Variants in VKORC1L1 observed in about 807,000 individuals in gnomAD.
VKORC1L1 encodes vitamin K epoxide reductase complex subunit 1-like protein 1.
A neutral mutation model predicts 18.9 loss-of-function variants in VKORC1L1; 2 were observed. That is an observed-to-expected ratio of 0.11 (90% CI 0.04 to 0.33). VKORC1L1 has a LOEUF of 0.33. Among genes scored for constraint, VKORC1L1 ranks in the 10% least tolerant of loss-of-function variants. The pLI is 1.00. For missense variants in VKORC1L1, 123 were observed against 224.1 expected (o/e 0.55, Z 2.88); for synonymous variants, 96 against 100.0 (o/e 0.96, Z 0.24).
intron 1 of VKORC1L1, among the ~76,000 whole-genome samples, chr7:65,906,688 A>G (rs1217862867): frequency 6.6e-6 from 1 of 152,224 alleles, no homozygotes; most frequent in Non-Finnish European, 1.5e-5. Context: ...GTTTAATGCT[A>G]GACATACATG....
chr7:65,876,750 A>T (rs1418330672), intron 1 of VKORC1L1, among the ~76,000 whole-genome samples: 1 of 152,112 alleles, frequency 6.6e-6, no homozygotes, highest in Non-Finnish European at 1.5e-5. Context: ...TAGGGCTTTT[A>T]ACACCTACTT....
chr7:65,902,364 T>C (rs1440979682), intron 1 of VKORC1L1, among the ~76,000 whole-genome samples: 2 of 152,080 alleles, frequency 1.3e-5, no homozygotes, highest in Non-Finnish European at 2.9e-5. Context: ...GGAAATAAAA[T>C]TTAAAATACA....
intron 1 of VKORC1L1, among the ~76,000 whole-genome samples, chr7:65,894,114 C>G (rs1309456472): frequency 6.6e-6 from 1 of 151,972 alleles, no homozygotes; most frequent in Non-Finnish European, 1.5e-5. Context: ...ACTAGCACGC[C>G]CGACTAATTT....
At chr7:65,885,363 A>T (rs34956105) in intron 1 of VKORC1L1, among the ~76,000 whole-genome samples, 4 of 151,732 alleles carry the variant, frequency 2.6e-5, no homozygotes, top group Non-Finnish European at 5.9e-5. Flanking sequence ...TTTGTTTATG[A>T]TGTCTTTACA....
intron 1 of VKORC1L1, among the ~76,000 whole-genome samples, chr7:65,908,836 CAAAAA>C (rs5884577): frequency 6.7e-5 from 7 of 104,950 alleles, no homozygotes; most frequent in Non-Finnish European, 1.2e-4. Flanking sequence ...GACTCCATCT[CAAAAA>C]AAAAAAAAAA....
Position 65,929,680 on chromosome 7 carries a change from G to GTATATATATA in VKORC1L1, c.195-18990_195-18989insATATATATAT, listed in dbSNP as rs150255530. ...TATGTGTGTGTGTGTATGTGTGTGT[G>GTATATATATA]TGTATATATATATATATATATATGG... On this transcript the variant is annotated intron_variant, in intron 1 of 2. Coordinates refer to ENST00000360768, the MANE Select transcript of VKORC1L1 (RefSeq NM_173517.6). Among the ~76,000 whole-genome samples the GTATATATATA allele has an allele frequency of 3.5e-3, 358 of 103,736 alleles. 2 individuals are homozygous for GTATATATATA. The highest frequency in any genetic ancestry group is 0.012 in the African/African-American group (285 of 24,384). 68.1% of individuals were successfully genotyped at this position (103,736 alleles called of 152,430 possible). A position where few individuals can be genotyped will look rare whatever the true frequency, so the allele number is the denominator to read the frequency against.
chr7:65,890,773 T>G (rs1383171440), intron 1 of VKORC1L1, among the ~76,000 whole-genome samples: 1 of 152,230 alleles, frequency 6.6e-6, no homozygotes, highest in Non-Finnish European at 1.5e-5. Context: ...TGTCAGTCTG[T>G]TAAATTATAT....
At position 65,873,154 on chromosome 7, in the gene VKORC1L1, C is replaced by A. The variant is rs1180679350; in HGVS notation, c.-218C>A. 2.2e-5 allele frequency: 10 copies of A among 464,612 alleles called. No individual in the cohort carries two copies. In the South Asian group the frequency reaches 2.5e-4, roughly 12 times the overall value. The allele number at this position is 464,612 out of a possible 1,614,324, so 28.8% of individuals were successfully genotyped here. ...CCGCGCCCGCGCGCGCCTTCCCCGC[C>A]CCGTCCGCCTCACTCCTTTTGGGGC... On this transcript the variant is annotated 5_prime_UTR_variant, in exon 1 of 3. Coordinates refer to ENST00000360768, the MANE Select transcript of VKORC1L1 (RefSeq NM_173517.6).
chr7:65,903,428 G>A (rs1789352222), intron 1 of VKORC1L1, among the ~76,000 whole-genome samples: 1 of 152,204 alleles, frequency 6.6e-6, no homozygotes, highest in African/African-American at 2.4e-5. Context: ...GCCTCCCAAA[G>A]TGCTGGGATT....
chr7:65,913,435 AG>A (rs1404302983), intron 1 of VKORC1L1, among the ~76,000 whole-genome samples: 4 of 152,008 alleles, frequency 2.6e-5, no homozygotes, highest in Non-Finnish European at 5.9e-5. Context: ...TGCCATTAGA[AG>A]GGAAAAAAGA....
chr7:65,943,923 G>T lies in VKORC1L1; in HGVS notation c.195-4748G>T, dbSNP rs185119459. On this transcript the variant is annotated intron_variant, in intron 1 of 2. Transcript: ENST00000360768. ...TAGTAACAAAAATTTAAACAACAAA[G>T]AAAAAGCAAATGATTTCCAAAATAT... is the stretch of plus-strand genomic sequence containing the variant. Among the ~76,000 whole-genome samples, 14 of 152,208 alleles carry T rather than the reference G, an allele frequency of 9.2e-5. No individual in the cohort carries two copies. In the East Asian group the frequency reaches 2.7e-3, roughly 29 times the overall value.
At chr7:65,896,390 A>G (rs921496227) in intron 1 of VKORC1L1, among the ~76,000 whole-genome samples, 1 of 152,036 alleles carries the variant, frequency 6.6e-6, no homozygotes, top group Non-Finnish European at 1.5e-5. Context: ...ATAAATACTC[A>G]TTTTCTGTTG....
intron 1 of VKORC1L1, among the ~76,000 whole-genome samples, chr7:65,887,519 TAG>T (rs1313186359): frequency 7.9e-5 from 12 of 151,754 alleles, no homozygotes; most frequent in Non-Finnish European, 1.6e-4. Flanking sequence ...TCAGTGATAC[TAG>T]ATAATAAACT....
chr7:65,879,642 T>TCTTTACCACC (rs1788891565), intron 1 of VKORC1L1, among the ~76,000 whole-genome samples: 2 of 141,006 alleles, frequency 1.4e-5, no homozygotes, highest in African/African-American at 5.5e-5. Flanking sequence ...TCTTTACCAC[T>TCTTTACCACC]ACTCTTTCGT....
rs6958966 is a variant in VKORC1L1, at chr7:65,959,141, G to A, written c.*4841G>A. On this transcript the variant is annotated 3_prime_UTR_variant, in exon 3 of 3. Coordinates refer to ENST00000360768, the MANE Select transcript of VKORC1L1 (RefSeq NM_173517.6). ...CAACATGGTGAAACCTGCCTCTACT[G>A]AAAAATACAGAAAAATTAGCCAGGA... 0.13 allele frequency: 19,276 copies of A among 151,944 alleles called. 1,386 individuals carry two copies. The highest frequency in any genetic ancestry group is 0.21 in the Middle Eastern group (62 of 294). 9.4% of individuals were successfully genotyped at this position (151,944 alleles called of 1,614,324 possible).
intron 1 of VKORC1L1, among the ~76,000 whole-genome samples, chr7:65,878,337 C>G (rs2116325062): frequency 6.6e-6 from 1 of 152,066 alleles, no homozygotes; most frequent in Non-Finnish European, 1.5e-5. Flanking sequence ...ATTCCAGCTA[C>G]TCGGGAGGCT....
At chr7:65,867,974 G>A in the VKORC1L1 span, among the ~76,000 whole-genome samples, 4 of 152,188 alleles carry the variant, frequency 2.6e-5, no homozygotes, top group African/African-American at 7.2e-5. Context: ...AGCCTCCCGA[G>A]TAGCTGGCAT....
At chr7:65,879,656 C>T (rs1788892366) in intron 1 of VKORC1L1, among the ~76,000 whole-genome samples, 2 of 151,718 alleles carry the variant, frequency 1.3e-5, no homozygotes, top group Admixed American at 1.3e-4. Context: ...CTTTCGTCTT[C>T]CTTTCTTCCT....
Position 65,959,492 on chromosome 7 carries a change from C to G in VKORC1L1, c.*5192C>G, listed in dbSNP as rs554767373. On this transcript the variant is annotated 3_prime_UTR_variant, in exon 3 of 3. Transcript: ENST00000360768. ...AAAAAAATACAGAAGCTCTAGATTC[C>G]TAATTGGAACTGACTACACTCATTT... 1.3e-5 allele frequency: 2 copies of G among 152,288 alleles called. No homozygotes were observed. Among genetic ancestry groups the G allele is most frequent in the South Asian group, 4.1e-4 (2 of 4,826 alleles). 9.4% of individuals were successfully genotyped at this position (152,288 alleles called of 1,614,324 possible).
Sources: allele counts gnomAD v4.1 joint callset (sites outside exome capture counted in the v4.1 genomes callset), GRCh38; gene constraint gnomAD v4.1.1; transcripts MANE v1.5; gene names NCBI Gene and HGNC (gene_info 2026-07-23, HGNC 2026-07-21).